The following MAGI2 variants were observed in gnomAD, a reference collection of about 807,000 sequenced individuals.
MAGI2 encodes the protein membrane-associated guanylate kinase, WW and PDZ domain-containing protein 2.
Under a neutral mutation model 133.3 loss-of-function variants are expected in MAGI2, and 35 were observed. The observed-to-expected ratio is 0.26, with a 90% CI of 0.20 to 0.35. The LOEUF (loss-of-function observed/expected upper bound fraction) is 0.35, where lower values mean the gene tolerates loss of function less well. MAGI2 is among the 10% of genes least tolerant of loss of function. The probability of loss-of-function intolerance (pLI) is 1.00; values close to 1 mark genes in which losing one functional copy is unlikely to be tolerated. For missense variants in MAGI2, 1,636 were observed against 1,863.4 expected (o/e 0.88, Z 2.25); for synonymous variants, 729 against 710.6 (o/e 1.03, Z -0.41).
At chr7:78,159,324 C>T (rs1824726960) in intron 16 of MAGI2, among the ~76,000 whole-genome samples, 1 of 152,310 alleles carries the variant, frequency 6.6e-6, no homozygotes, top group Non-Finnish European at 1.5e-5. Context: ...CTCATGCTTC[C>T]ACTCTTGCTT....
At chr7:78,158,973 C>G (rs761888905) in intron 16 of MAGI2, among the ~76,000 whole-genome samples, 2 of 152,022 alleles carry the variant, frequency 1.3e-5, no homozygotes, top group African/African-American at 2.4e-5. Flanking sequence ...GGTCTGCCAT[C>G]CCACCCAGGA....
chr7:79,327,187 C>G (rs1398827265), intron 1 of MAGI2, among the ~76,000 whole-genome samples: 2 of 152,088 alleles, frequency 1.3e-5, no homozygotes, highest in African/African-American at 2.4e-5. Flanking sequence ...TAAGAGTATG[C>G]ACGTCAAAAG....
chr7:78,722,653 T>C (rs181542986), intron 2 of MAGI2, among the ~76,000 whole-genome samples: 3 of 152,242 alleles, frequency 2.0e-5, no homozygotes, highest in Non-Finnish European at 4.4e-5. Flanking sequence ...CAGTGTGATA[T>C]ATCAGTTAAT....
At chr7:79,345,798 T>C (rs1381729548) in intron 1 of MAGI2, among the ~76,000 whole-genome samples, 1 of 152,088 alleles carries the variant, frequency 6.6e-6, no homozygotes, top group Non-Finnish European at 1.5e-5. Context: ...TAGTCATAAG[T>C]AGCATCTTAA....
intron 4 of MAGI2, among the ~76,000 whole-genome samples, chr7:78,512,855 C>T (rs1795721940): frequency 2.0e-5 from 3 of 152,068 alleles, no homozygotes; most frequent in Non-Finnish European, 2.9e-5. Context: ...ATAGAAAATT[C>T]AAAGTCTGTG....
At chr7:79,341,185 C>T (rs1395191112) in intron 1 of MAGI2, among the ~76,000 whole-genome samples, 4 of 152,012 alleles carry the variant, frequency 2.6e-5, no homozygotes, top group Non-Finnish European at 5.9e-5. Context: ...GAGAAAATTA[C>T]TTTAATTTTT....
intron 20 of MAGI2, among the ~76,000 whole-genome samples, chr7:78,109,065 G>A (rs1356451155): frequency 1.3e-5 from 2 of 151,716 alleles, no homozygotes; most frequent in African/African-American, 4.8e-5. Flanking sequence ...AGCACTTTGG[G>A]AGGCCGAGGC....
chr7:78,497,797 TCTC>T (rs1275820090), intron 5 of MAGI2, among the ~76,000 whole-genome samples: 1 of 151,026 alleles, frequency 6.6e-6, no homozygotes, highest in Non-Finnish European at 1.5e-5. Flanking sequence ...AAAGAATCAT[TCTC>T]CTTTGTTTCA....
chr7:78,040,239 C>T (rs953546936), intron 21 of MAGI2, among the ~76,000 whole-genome samples: 1 of 152,192 alleles, frequency 6.6e-6, no homozygotes, highest in Non-Finnish European at 1.5e-5. Flanking sequence ...AAGGGAAATG[C>T]CAGGAGGGTA....
chr7:79,224,972 TC>T (rs1159752047), intron 1 of MAGI2, among the ~76,000 whole-genome samples: 12 of 152,210 alleles, frequency 7.9e-5, no homozygotes, highest in Non-Finnish European at 1.6e-4. Context: ...GTAAATTATA[TC>T]TTAATAAACT....
In MAGI2 at chr7:78,151,101, T is replaced by C. The variant is rs117962593; in HGVS notation, c.2845+8924A>G. The stretch of plus-strand genomic sequence containing the variant: ...ATATTTATATTTATATTTATATTTA[T>C]ATATTTGCACTTGTTTGCTTACTAG... On this transcript the variant is annotated intron_variant, in intron 16 of 21. Transcript: ENST00000354212. 3.3e-3 allele frequency among the ~76,000 whole-genome samples: 489 copies of C among 148,898 alleles called. 2 individuals carry two copies. Among genetic ancestry groups the C allele is most frequent in the Middle Eastern group, 7.2e-3 (2 of 278 alleles).
intron 2 of MAGI2, among the ~76,000 whole-genome samples, chr7:78,911,739 G>A (rs138278748): frequency 1.3e-4 from 20 of 151,910 alleles, no homozygotes; most frequent in Admixed American, 7.9e-4. Context: ...TACATGTGAA[G>A]GTTTGTTCCA....
At chr7:78,023,263 A>G (rs1170611682) in intron 21 of MAGI2, among the ~76,000 whole-genome samples, 1 of 152,194 alleles carries the variant, frequency 6.6e-6, no homozygotes, top group East Asian at 1.9e-4. Flanking sequence ...TCTAGTTTTT[A>G]TGAAATCTTG....
intron 1 of MAGI2, among the ~76,000 whole-genome samples, chr7:79,180,717 T>C (rs1826538700): frequency 6.6e-6 from 1 of 151,920 alleles, no homozygotes; most frequent in Non-Finnish European, 1.5e-5. Context: ...CATTTCAGCA[T>C]AAACTCAAAA....
intron 9 of MAGI2, among the ~76,000 whole-genome samples, chr7:78,270,666 A>G (rs1423705908): frequency 1.3e-5 from 2 of 152,096 alleles, no homozygotes; most frequent in East Asian, 1.9e-4. Context: ...TTTGGGGCTG[A>G]GACGATGGGG....
rs746333929 is a variant in MAGI2 at position 78,078,967 on chromosome 7, G to A, written c.3686C>T (p.Thr1229Met). ...CGTACCATATTCTGGGACCTGTCCC[G>A]TGCCTCTCTTGAGCAGCAGCCTCAC... ...RRVRLLLKRG[T>M]GQVPEYDEPA... The change falls in exon 21 of 22, where the codon ACG (threonine) becomes ATG (methionine). Residue 1229 changes from threonine to methionine, a missense_variant. Physicochemically the swap from Thr to Met is moderately conservative, Grantham distance 81. Around this residue, in one of 5 missense-constraint regions of MAGI2, gnomAD observed 49 missense variants for 103.8 expected, o/e 0.47. Transcript: ENST00000354212. 14 of 1,613,572 alleles carry A rather than the reference G, an allele frequency of 8.7e-6. No individual in the cohort carries two copies. The highest frequency in any genetic ancestry group is 6.6e-5 in the South Asian group (6 of 90,902).
chr7:78,180,067 C>G (rs541190770), intron 13 of MAGI2, among the ~76,000 whole-genome samples: 6 of 152,204 alleles, frequency 3.9e-5, no homozygotes, highest in Non-Finnish European at 7.3e-5. Flanking sequence ...GAGGATAATA[C>G]AACTGCTCAT....
chr7:78,816,255 G>A lies in MAGI2; in HGVS notation c.419-189016C>T, dbSNP rs1332568854. On this transcript the variant is annotated intron_variant, in intron 2 of 21. Transcript: ENST00000354212. ...AGGTGAGGAAGTTGCAGAAAAGTGTGAAGCTAGCAGGGGTTTGTTAATGAG... is the reference window on the plus strand; with the variant it reads ...AGGTGAGGAAGTTGCAGAAAAGTGTAAAGCTAGCAGGGGTTTGTTAATGAG... Among the ~76,000 whole-genome samples, 3 of 152,296 alleles carry A rather than the reference G, an allele frequency of 2.0e-5. No individual in the cohort carries two copies. In the South Asian group the frequency reaches 6.2e-4, roughly 32 times the overall value.
chr7:79,002,739 A>G (rs1807005189), intron 2 of MAGI2, among the ~76,000 whole-genome samples: 2 of 152,096 alleles, frequency 1.3e-5, no homozygotes, highest in South Asian at 4.2e-4. Flanking sequence ...TCTTCTTAAG[A>G]TGTAAGTTTT....
Sources: allele counts gnomAD v4.1 joint callset (sites outside exome capture counted in the v4.1 genomes callset), GRCh38; gene constraint gnomAD v4.1.1; regional missense constraint gnomAD v4.1.1; transcripts MANE v1.5; gene names NCBI Gene and HGNC (gene_info 2026-07-23, HGNC 2026-07-21).